Variants in INTS6 observed in about 807,000 individuals in gnomAD.
The protein encoded by INTS6 is integrator complex subunit 6, also known as DEAD box protein.
In INTS6, 16 loss-of-function variants were observed where a neutral mutation model predicts 104.9. The ratio of observed to expected loss-of-function variants is 0.15; its 90% CI spans 0.10 to 0.23. INTS6 has a LOEUF of 0.23. INTS6 is among the 10% of genes least tolerant of loss of function. INTS6 has a pLI of 1.00. For synonymous variants in INTS6, 324 were observed against 358.7 expected (o/e 0.90, Z 1.09); for missense variants, 584 against 1,062.8 (o/e 0.55, Z 6.26).
chr13:51,383,124 T>C (rs1262203362), intron 9 of INTS6, among the ~76,000 whole-genome samples: 1 of 126,272 alleles, frequency 7.9e-6, no homozygotes, highest in Non-Finnish European at 1.6e-5. Flanking sequence ...CTTTATTAAA[T>C]TGCAGACTAA....
At chr13:51,419,419 C>T (rs1282667538) in intron 4 of INTS6, among the ~76,000 whole-genome samples, 1 of 152,172 alleles carries the variant, frequency 6.6e-6, no homozygotes, top group Non-Finnish European at 1.5e-5. Flanking sequence ...TTTCCTGCTG[C>T]TGTTTTTCTT....
Position 51,362,010 on chromosome 13 carries a change from T to C in INTS6, c.*3742A>G, listed in dbSNP as rs1955587810. 6.2e-7 allele frequency: 1 copy of C among 1,608,434 alleles called. No individual in the cohort carries two copies. The highest frequency in any genetic ancestry group is 8.5e-7 in the Non-Finnish European group (1 of 1,177,358). ...GCATTCTTTCTAGCTGTTTTTATGG[T>C]GCTTCAGAAGCTACCCAGTTGCTAT... On this transcript the variant is annotated 3_prime_UTR_variant, in exon 18 of 18. Coordinates refer to ENST00000311234, the MANE Select transcript of INTS6 (RefSeq NM_012141.3).
chr13:51,400,336 C>T (rs1956413505), intron 4 of INTS6, among the ~76,000 whole-genome samples: 1 of 152,180 alleles, frequency 6.6e-6, no homozygotes, highest in Non-Finnish European at 1.5e-5. Flanking sequence ...TTTTGATAAA[C>T]AGAAGTTATC....
At chr13:51,375,113 G>A (rs76440122) in intron 13 of INTS6, among the ~76,000 whole-genome samples, 3,728 of 152,180 alleles carry the variant, frequency 0.024, 124 homozygotes, top group African/African-American at 0.079. Flanking sequence ...CACTTCGGGA[G>A]GCTGAGGCAG....
At chr13:51,371,766 TC>T (rs895394532) in intron 15 of INTS6, among the ~76,000 whole-genome samples, 22 of 152,074 alleles carry the variant, frequency 1.4e-4, no homozygotes, top group African/African-American at 4.8e-4. Context: ...AATATCCCCT[TC>T]CGTCTCAGCA....
chr13:51,411,510 G>A (rs1395611648), intron 4 of INTS6, among the ~76,000 whole-genome samples: 1 of 151,192 alleles, frequency 6.6e-6, no homozygotes, highest in Admixed American at 6.6e-5. Flanking sequence ...CTGAGATCGT[G>A]CCGTTGCACT....
At chr13:51,390,054 C>G (rs1956216487) in intron 5 of INTS6, among the ~76,000 whole-genome samples, 1 of 151,970 alleles carries the variant, frequency 6.6e-6, no homozygotes, top group African/African-American at 2.4e-5. Context: ...GTGAATTCCC[C>G]TTTTGTACGT....
chr13:51,432,466 A>AAAC (rs1012809608), intron 3 of INTS6, among the ~76,000 whole-genome samples: 2 of 152,152 alleles, frequency 1.3e-5, no homozygotes, highest in African/African-American at 2.4e-5. Flanking sequence ...AAAAAAAAAA[A>AAAC]AACACCATCT....
intron 5 of INTS6, among the ~76,000 whole-genome samples, chr13:51,390,356 G>A (rs1956223700): frequency 1.3e-5 from 2 of 151,322 alleles, no homozygotes; most frequent in African/African-American, 4.8e-5. Flanking sequence ...GAAGTAATAA[G>A]GATATATTGA....
chr13:51,396,754 A>T (rs1447840748), intron 4 of INTS6, among the ~76,000 whole-genome samples: 1 of 152,236 alleles, frequency 6.6e-6, no homozygotes, highest in Non-Finnish European at 1.5e-5. Flanking sequence ...CAGAATGTGG[A>T]ACATTATACA....
chr13:51,404,979 A>T (rs1956534246), intron 4 of INTS6, among the ~76,000 whole-genome samples: 1 of 152,238 alleles, frequency 6.6e-6, no homozygotes, highest in Non-Finnish European at 1.5e-5. Flanking sequence ...ATTATGTGTT[A>T]TGATATGTAC....
At chr13:51,348,688 C>A in the INTS6 span, 5 of 411,694 alleles carry the variant, frequency 1.2e-5, no homozygotes, top group Admixed American at 4.0e-5. Flanking sequence ...GGAATGGAGC[C>A]CCCCAGGACC....
chr13:51,356,125 A>G (rs1955478184), intron 3 of INTS6, among the ~76,000 whole-genome samples: 1 of 152,186 alleles, frequency 6.6e-6, no homozygotes, highest in South Asian at 2.1e-4. Flanking sequence ...GTGAGAATCT[A>G]TTCTACAGAG....
At chr13:51,392,529 C>T (rs1362404367) in intron 5 of INTS6, among the ~76,000 whole-genome samples, 2 of 152,240 alleles carry the variant, frequency 1.3e-5, no homozygotes, top group African/African-American at 4.8e-5. Context: ...CTTCCTGTTG[C>T]TTCCAAATAT....
chr13:51,344,383 C>T, the INTS6 span: 2 of 1,613,000 alleles, frequency 1.2e-6, no homozygotes, highest in Non-Finnish European at 8.5e-7. Context: ...CTTTGTGGAG[C>T]ACGTCTCCTG....
Position 51,378,420 on chromosome 13 carries a change from A to G in INTS6, c.1421T>C (p.Val474Ala). The G allele has an allele frequency of 6.2e-7, 1 of 1,613,238 alleles. No individual in the cohort carries two copies. The highest frequency in any genetic ancestry group is 8.5e-7 in the Non-Finnish European group (1 of 1,179,360). ...AGTCTCCTGTACTACTTTTTTGCCTACAGATCCAATGACTCGATCAGATTC... is the reference window on the plus strand; with the variant it reads ...AGTCTCCTGTACTACTTTTTTGCCTGCAGATCCAATGACTCGATCAGATTC... ...KIESDRVIGS[V>A]GKKVVQETGI... Residue 474 changes from valine (V) to alanine (A), a missense_variant, in exon 12 of 18, where the codon GTA (valine) becomes GCA (alanine). Physicochemically the swap from Val to Ala is moderately conservative, Grantham distance 64. Coordinates refer to ENST00000311234, the MANE Select transcript of INTS6 (RefSeq NM_012141.3).
At position 51,451,977 on chromosome 13, in the gene INTS6, C is replaced by T; in HGVS notation, c.189+1G>A. On this transcript the variant is annotated splice_donor_variant, in intron 2 of 17. Coordinates refer to ENST00000311234, the MANE Select transcript of INTS6 (RefSeq NM_012141.3). LOFTEE classifies it high-confidence loss of function. ...GAAAGGGGGAGGGCGAGGGCTGTTA[C>T]CTTGATAGCATAGGGCGGCTCTTCG... The T allele has an allele frequency of 6.2e-7, 1 of 1,608,414 alleles. No individual in the cohort carries two copies. The highest frequency in any genetic ancestry group is 8.5e-7 in the Non-Finnish European group (1 of 1,176,616).
rs928647698 is a variant in INTS6 at position 51,450,870 on chromosome 13, G to T, written c.339+155C>A. 6.4e-6 allele frequency: 8 copies of T among 1,259,576 alleles called. No individual in the cohort carries two copies. The African/African-American group carries it at 1.1e-4, about 17-fold the overall frequency. The allele number at this position is 1,259,576 out of a possible 1,614,324, so 78.0% of individuals were successfully genotyped here. A position where few individuals can be genotyped will look rare whatever the true frequency, so the allele number is the denominator to read the frequency against. ...AAATGAGGGATGTAAAATATATATAGTAGGGTAAGAGTTTTGCCTTTGAAC... is the reference window on the plus strand; with the variant it reads ...AAATGAGGGATGTAAAATATATATATTAGGGTAAGAGTTTTGCCTTTGAAC... On this transcript the variant is annotated intron_variant, in intron 3 of 17. Coordinates refer to ENST00000311234, the MANE Select transcript of INTS6 (RefSeq NM_012141.3).
chr13:51,443,206 C>G (rs533288902), intron 3 of INTS6: 1 of 152,298 alleles, frequency 6.6e-6, no homozygotes, highest in East Asian at 1.9e-4. Context: ...AATTAAGCCT[C>G]TGAACCTTTC....
Sources: gnomAD v4.1 joint callset for allele counts (sites outside exome capture counted in the v4.1 genomes callset) on GRCh38, gnomAD v4.1.1 for gene constraint, MANE v1.5 for transcripts, NCBI Gene and HGNC (gene_info 2026-07-23, HGNC 2026-07-21) for gene names.